The following TAF2 variants were observed in gnomAD, a reference collection of about 807,000 sequenced individuals.
TAF2 encodes the protein transcription initiation factor TFIID subunit 2.
TAF2 carries 61 observed loss-of-function variants against 138.5 expected under a neutral mutation model. The ratio of observed to expected loss-of-function variants is 0.44; its 90% CI spans 0.36 to 0.54. TAF2 has a LOEUF of 0.54. Among genes scored for constraint, TAF2 ranks in the 20% least tolerant of loss-of-function variants. TAF2 has a pLI of 0.00. For missense variants in TAF2, 1,090 were observed against 1,427.9 expected (o/e 0.76, Z 3.81); for synonymous variants, 475 against 469.9 (o/e 1.01, Z -0.14).
Position 119,758,867 on chromosome 8 carries a change from G to A in TAF2, c.2699-725C>T, listed in dbSNP as rs114374265. 6.5e-3 allele frequency among the ~76,000 whole-genome samples: 991 copies of A among 152,244 alleles called. 14 individuals are homozygous for A. Among genetic ancestry groups the A allele is most frequent in the African/African-American group, 0.023 (945 of 41,558 alleles). ...ACATTTAGACATGGACAAAAGCGAAGTGTCACAATTAAATTATATTCATAG... is the reference window on the plus strand; with the variant it reads ...ACATTTAGACATGGACAAAAGCGAAATGTCACAATTAAATTATATTCATAG... On this transcript the variant is annotated intron_variant, in intron 20 of 25. Coordinates refer to ENST00000378164, the MANE Select transcript of TAF2 (RefSeq NM_003184.4).
intron 2 of TAF2, among the ~76,000 whole-genome samples, chr8:119,829,449 G>C (rs569550922): frequency 4.4e-4 from 67 of 152,158 alleles, no homozygotes; most frequent in Non-Finnish European, 3.7e-4. Flanking sequence ...AGCTCAGAGG[G>C]TTCCTCCACC....
chr8:119,812,175 G>C (rs555571578), intron 3 of TAF2, among the ~76,000 whole-genome samples: 6 of 152,286 alleles, frequency 3.9e-5, no homozygotes, highest in African/African-American at 1.4e-4. Context: ...ACATTGATTA[G>C]TGATTGGCTA....
At chr8:119,795,387 G>C in intron 9 of TAF2, 145 bp downstream of exon 9, 1 of 751,426 alleles carries the variant, frequency 1.3e-6, no homozygotes, top group Non-Finnish European at 2.3e-6. Context: ...AGATAAAATA[G>C]ACCATTAGTC....
intron 6 of TAF2, among the ~76,000 whole-genome samples, chr8:119,799,341 G>A (rs992311111): frequency 2.7e-5 from 4 of 149,710 alleles, no homozygotes; most frequent in African/African-American, 9.8e-5. Context: ...GGTGTGTGAT[G>A]TTCCCCTTCC....
chr8:119,732,211 G>A (rs1818923427), intron 25 of TAF2, 25 bp from the exon 26 acceptor site: 3 of 1,605,322 alleles, frequency 1.9e-6, no homozygotes, highest in Non-Finnish European at 2.6e-6. Flanking sequence ...ATACCCAAAT[G>A]AATTCCTGCT....
At chr8:119,796,105 A>G (rs1450684974) in intron 8 of TAF2, among the ~76,000 whole-genome samples, 1 of 152,028 alleles carries the variant, frequency 6.6e-6, no homozygotes. Context: ...CTCTAGAAAA[A>G]TGGCAATTAA....
rs201646142 is a variant in TAF2, at chr8:119,793,465, A to C, written c.1192-14T>G. 6.3e-7 allele frequency: 1 copy of C among 1,596,930 alleles called. No individual in the cohort carries two copies. The highest frequency in any genetic ancestry group is 1.3e-5 in the African/African-American group (1 of 74,642). Reference sequence around the variant, plus strand: ...TTTGTCTAGCTCCTAAAAAATATATAAAAATAGGAGTCAGTAAAATTTGTA... The same window carrying C: ...TTTGTCTAGCTCCTAAAAAATATATCAAAATAGGAGTCAGTAAAATTTGTA... On this transcript the variant is annotated splice_polypyrimidine_tract_variant and intron_variant, in intron 9 of 25. Transcript: ENST00000378164.
At chr8:119,745,822 TG>T (rs1819926050) in intron 23 of TAF2, among the ~76,000 whole-genome samples, 1 of 145,530 alleles carries the variant, frequency 6.9e-6, no homozygotes, top group Admixed American at 6.8e-5. Flanking sequence ...TGTGTGTGTG[TG>T]TGTGTGTGTG....
chr8:119,804,144 T>A, intron 4 of TAF2, 125 bp from the exon 5 acceptor site: 1 of 1,116,488 alleles, frequency 9.0e-7, no homozygotes, highest in Non-Finnish European at 1.3e-6. Context: ...AAAACCACAC[T>A]ACTTACCCTA....
At chr8:119,793,545 C>T (rs1315456014) in intron 9 of TAF2, 94 bp from the exon 10 acceptor site, 6 of 876,294 alleles carry the variant, frequency 6.8e-6, no homozygotes, top group Non-Finnish European at 1.1e-5. Context: ...ATTCTCATTT[C>T]CTAAAATCAG....
intron 8 of TAF2, among the ~76,000 whole-genome samples, chr8:119,796,630 T>C (rs1823844704): frequency 1.3e-5 from 2 of 152,116 alleles, no homozygotes; most frequent in South Asian, 4.1e-4. Flanking sequence ...ATAGAATTCA[T>C]TCAGTTCTTT....
intron 2 of TAF2, among the ~76,000 whole-genome samples, chr8:119,820,581 G>C (rs887214794): frequency 6.6e-6 from 1 of 152,198 alleles, no homozygotes; most frequent in African/African-American, 2.4e-5. Flanking sequence ...AAGTAGGTCA[G>C]TAATAAGTAG....
rs1268468342 is a variant in TAF2, at chr8:119,797,047, C to G, written c.1034G>C (p.Cys345Ser). Residue 345 changes from cysteine to serine, a missense_variant, in exon 8 of 26, where the codon TGT becomes TCT. Cys to Ser is a moderately radical substitution (Grantham distance 112). Around this residue, in one of 3 missense-constraint regions of TAF2, gnomAD observed 504 missense variants for 680.9 expected, o/e 0.74. Coordinates refer to ENST00000378164, the MANE Select transcript of TAF2 (RefSeq NM_003184.4). ...CTGCTGGGCCAAGGATTGGGCTAAA[C>G]ACCTTCTAGTCAAAGGTGTCTCATC... ...IIDETPLTRR[C>S]LAQSLAQQFF... 2 of 1,613,336 alleles carry G rather than the reference C, an allele frequency of 1.2e-6. No individual in the cohort carries two copies. Among genetic ancestry groups the G allele is most frequent in the African/African-American group, 2.7e-5 (2 of 74,990 alleles).
At chr8:119,765,024 T>C (rs997862413) in intron 18 of TAF2, among the ~76,000 whole-genome samples, 3 of 152,186 alleles carry the variant, frequency 2.0e-5, no homozygotes, top group African/African-American at 7.2e-5. Context: ...AAATAAAATA[T>C]CTGGTTGAGA....
chr8:119,813,186 C>T (rs893527773), intron 3 of TAF2, among the ~76,000 whole-genome samples: 2 of 152,066 alleles, frequency 1.3e-5, no homozygotes, highest in African/African-American at 4.8e-5. Flanking sequence ...ATTTGTATTT[C>T]CCTGATCATT....
In TAF2 at chr8:119,791,417, T is replaced by G. The variant is rs758166535; in HGVS notation, c.1320A>C (p.Thr440=). The change falls in exon 11 of 26, where the codon ACA becomes ACC. Residue 440 remains threonine, a synonymous_variant. Transcript: ENST00000378164. ...ACATACTGTAGTATTCCCAGGACAG[T>G]GTATGTGGATGCTTTATTGAAAAGT... is the stretch of plus-strand genomic sequence containing the variant. ...HLHFSIKHPH[T]LSWEYYSMFQ... 2 of 1,613,754 alleles carry G rather than the reference T, an allele frequency of 1.2e-6. No homozygotes were observed. The highest frequency in any genetic ancestry group is 1.1e-5 in the South Asian group (1 of 91,078).
chr8:119,828,387 T>C lies in TAF2; in HGVS notation c.138+3290A>G, dbSNP rs1397577901. Among the ~76,000 whole-genome samples, 7 of 152,198 alleles carry C rather than the reference T, an allele frequency of 4.6e-5. 1 individual carries two copies. The East Asian group carries it at 1.2e-3, about 25-fold the overall frequency. ...GTCCTGTTCTGGCTGGAATGAATCATTTCAATTACTGAACAGAAAATTAAA... is the reference window on the plus strand; with the variant it reads ...GTCCTGTTCTGGCTGGAATGAATCACTTCAATTACTGAACAGAAAATTAAA... On this transcript the variant is annotated intron_variant, in intron 2 of 25. Coordinates refer to ENST00000378164, the MANE Select transcript of TAF2 (RefSeq NM_003184.4).
intron 20 of TAF2, among the ~76,000 whole-genome samples, chr8:119,759,799 G>A (rs1229108026): frequency 6.6e-6 from 1 of 152,014 alleles, no homozygotes; most frequent in Non-Finnish European, 1.5e-5. Context: ...GGCTACATGA[G>A]CAACAACTTT....
chr8:119,743,816 A>T (rs1819763819), intron 24 of TAF2, among the ~76,000 whole-genome samples: 1 of 152,182 alleles, frequency 6.6e-6, no homozygotes, highest in Non-Finnish European at 1.5e-5. Context: ...GGTAAATCTT[A>T]ATATATTGAC....
Sources: allele counts gnomAD v4.1 joint callset (sites outside exome capture counted in the v4.1 genomes callset), GRCh38; gene constraint gnomAD v4.1.1; regional missense constraint gnomAD v4.1.1; transcripts MANE v1.5; gene names NCBI Gene and HGNC (gene_info 2026-07-23, HGNC 2026-07-21).